The following MYCBP2 variants were observed in gnomAD, a reference collection of about 807,000 sequenced individuals.
The protein encoded by MYCBP2 is E3 ubiquitin-protein ligase MYCBP2.
In MYCBP2, 120 loss-of-function variants were observed where a neutral mutation model predicts 525.3. That is an observed-to-expected ratio of 0.23 (90% CI 0.20 to 0.27). The LOEUF (loss-of-function observed/expected upper bound fraction) is 0.27, where lower values mean the gene tolerates loss of function less well. MYCBP2 is among the 10% of genes least tolerant of loss of function. The pLI is 1.00. For missense variants in MYCBP2, 4,149 were observed against 5,657.1 expected, an observed-to-expected ratio of 0.73 and a Z score of 8.55; for synonymous variants, 1,894 against 1,955.8, an observed-to-expected ratio of 0.97 and a Z score of 0.83.
intron 37 of MYCBP2, 91 bp downstream of exon 37, chr13:77,174,220 A>C (rs1238935077): frequency 8.7e-7 from 1 of 1,145,248 alleles, no homozygotes; most frequent in African/African-American, 1.5e-5. Context: ...CAATTTAATT[A>C]TAAGTATCCA....
At chr13:77,281,991 A>G (rs1436661012) in intron 3 of MYCBP2, among the ~76,000 whole-genome samples, 1 of 152,232 alleles carries the variant, frequency 6.6e-6, no homozygotes, top group East Asian at 1.9e-4. Context: ...TGTTTGTATA[A>G]AGCAAATATT....
chr13:77,084,023 C>T (rs1307394937), intron 62 of MYCBP2, among the ~76,000 whole-genome samples: 1 of 152,108 alleles, frequency 6.6e-6, no homozygotes, highest in African/African-American at 2.4e-5. Flanking sequence ...CATATATTAT[C>T]CCACTGCATA....
At chr13:77,259,007 C>A (rs1435892546) in intron 13 of MYCBP2, among the ~76,000 whole-genome samples, 1 of 152,186 alleles carries the variant, frequency 6.6e-6, no homozygotes, top group African/African-American at 2.4e-5. Context: ...GTATTCCCAG[C>A]ACTTGAGGAG....
At position 77,095,594 on chromosome 13, in the gene MYCBP2, T is replaced by C; in HGVS notation, c.9963A>G (p.Gln3321=). ...KQAAAREKVK[Q]SRRKPMQVKT... The stretch of plus-strand genomic sequence containing the variant: ...TGACTTGCATTGGTTTTCTCCTAGA[T>C]TGTTTGACCTGGCGAAGAAAAAAAT... The change falls in exon 58 of 83, where the codon CAA becomes CAG. Residue 3321 remains glutamine (Q), a synonymous_variant. Transcript: ENST00000544440. The C allele has an allele frequency of 1.2e-6, 2 of 1,610,986 alleles. No homozygotes were observed. Among genetic ancestry groups the C allele is most frequent in the East Asian group, 2.2e-5 (1 of 44,808 alleles).
intron 40 of MYCBP2, among the ~76,000 whole-genome samples, chr13:77,166,882 C>A (rs968944725): frequency 4.6e-5 from 7 of 151,630 alleles, no homozygotes; most frequent in African/African-American, 1.7e-4. Flanking sequence ...CCAATGAATG[C>A]ATAATCATGC....
At chr13:77,125,497 T>G (rs768702989) in intron 53 of MYCBP2, 29 bp from the exon 54 acceptor site, 1 of 1,611,534 alleles carries the variant, frequency 6.2e-7, no homozygotes, top group Non-Finnish European at 8.5e-7. Flanking sequence ...CATGATTGAT[T>G]GGCTTGATTC....
In MYCBP2 at chr13:77,318,320, A is replaced by G. The variant is rs558102011; in HGVS notation, c.302+8154T>C. On this transcript the variant is annotated intron_variant, in intron 1 of 82. Coordinates refer to ENST00000544440, the MANE Select transcript of MYCBP2 (RefSeq NM_015057.5). The stretch of plus-strand genomic sequence containing the variant: ...ATCGGTAATTTTTCCATGCACTCAT[A>G]GGCCAAAAGAAATACCAAACAGTAG... 2.0e-5 allele frequency among the ~76,000 whole-genome samples: 3 copies of G among 152,344 alleles called. No individual in the cohort carries two copies. The East Asian group carries it at 5.8e-4, about 29-fold the overall frequency.
chr13:77,077,481 C>G lies in MYCBP2; in HGVS notation c.11485-94G>C. 2.1e-6 allele frequency: 3 copies of G among 1,431,392 alleles called. No homozygotes were observed. The South Asian group carries it at 3.9e-5, about 19-fold the overall frequency. The allele number at this position is 1,431,392 out of a possible 1,614,324, so 88.7% of individuals were successfully genotyped here. A position where few individuals can be genotyped will look rare whatever the true frequency, so the allele number is the denominator to read the frequency against. On this transcript the variant is annotated intron_variant, in intron 66 of 82. Transcript: ENST00000544440. Reference sequence around the variant, plus strand: ...CATTGATACCAGCAAGCTCAAATAACAAAGAATTGCACAGAGTAAAGGTTA... The same window carrying G: ...CATTGATACCAGCAAGCTCAAATAAGAAAGAATTGCACAGAGTAAAGGTTA...
chr13:77,097,379 C>A lies in MYCBP2; in HGVS notation c.9775G>T (p.Ala3259Ser). ...CAACAGTATCATTTACCTGGGTGAG[C>A]TTGTCTCATGTGATAGGTCACCGGG... Reference protein sequence around the residue: ...PYPVTYHMRQAHPGCGRYAGG... With the variant: ...PYPVTYHMRQSHPGCGRYAGG... Residue 3259 changes from alanine to serine, a missense_variant, in exon 56 of 83, where the codon GCT (alanine) becomes TCT (serine). By Grantham distance (99) the Ala-to-Ser change is moderately conservative. Transcript: ENST00000544440. The A allele has an allele frequency of 1.9e-6, 3 of 1,598,966 alleles. No homozygotes were observed. Among genetic ancestry groups the A allele is most frequent in the Non-Finnish European group, 2.6e-6 (3 of 1,175,200 alleles).
intron 62 of MYCBP2, 95 bp downstream of exon 62, chr13:77,087,389 T>A: frequency 9.3e-7 from 1 of 1,072,900 alleles, no homozygotes; most frequent in Non-Finnish European, 1.4e-6. Context: ...TCAAGTTAGA[T>A]CTGCGAATGA....
At chr13:77,109,523 A>G (rs2048423054) in intron 55 of MYCBP2, 1 of 152,336 alleles carries the variant, frequency 6.6e-6, no homozygotes, top group East Asian at 1.9e-4. Context: ...AGACAATCAG[A>G]ACAGCCTTGT....
intron 2 of MYCBP2, 85 bp from the exon 3 acceptor site, chr13:77,288,461 C>T (rs2077119664): frequency 8.6e-7 from 1 of 1,160,760 alleles, no homozygotes; most frequent in African/African-American, 1.6e-5. Flanking sequence ...ATTAGACACA[C>T]TAACTGACTT....
chr13:77,251,180 A>G lies in MYCBP2; in HGVS notation c.2352T>C (p.Ser784=), dbSNP rs778028888. The G allele has an allele frequency of 2.5e-6, 4 of 1,614,160 alleles. No homozygotes were observed. The highest frequency in any genetic ancestry group is 3.4e-6 in the Non-Finnish European group (4 of 1,180,044). ...DCTGYGASCV[S]SGRPDRVPGG... is the part of the protein sequence containing the mutation. The stretch of plus-strand genomic sequence containing the variant: ...CGGGGACTCTGTCTGGCCGTCCACT[A>G]CTGACACAGCTGGCTCCATAACCTG... Residue 784 remains serine (S), a synonymous_variant, in exon 15 of 83, where the codon AGT becomes AGC. Coordinates refer to ENST00000544440, the MANE Select transcript of MYCBP2 (RefSeq NM_015057.5).
chr13:77,233,064 A>G, intron 18 of MYCBP2, 92 bp downstream of exon 18: 1 of 1,062,686 alleles, frequency 9.4e-7, no homozygotes, highest in Non-Finnish European at 1.4e-6. Flanking sequence ...AAGTAGAAGA[A>G]TCAGGTTTGT....
intron 70 of MYCBP2, 76 bp downstream of exon 70, chr13:77,068,489 A>T (rs2040575959): frequency 1.3e-6 from 2 of 1,533,802 alleles, no homozygotes; most frequent in East Asian, 4.5e-5. Flanking sequence ...TCCTTAGATA[A>T]TTCTCTTTGC....
intron 38 of MYCBP2, among the ~76,000 whole-genome samples, chr13:77,170,019 T>C (rs993257520): frequency 1.3e-5 from 2 of 152,216 alleles, no homozygotes. Flanking sequence ...TGTAAAATAA[T>C]AGAGCTGGAA....
At chr13:77,248,451 G>A (rs968593643) in intron 15 of MYCBP2, among the ~76,000 whole-genome samples, 4 of 152,116 alleles carry the variant, frequency 2.6e-5, no homozygotes, top group Non-Finnish European at 4.4e-5. Context: ...TGATTCAAAA[G>A]TGAGCAAAGG....
intron 13 of MYCBP2, among the ~76,000 whole-genome samples, chr13:77,258,410 AAT>A (rs759224393): frequency 6.6e-6 from 1 of 152,198 alleles, no homozygotes; most frequent in African/African-American, 2.4e-5. Flanking sequence ...TTATCTATTT[AAT>A]ATGTTTTGTA....
intron 75 of MYCBP2, 126 bp downstream of exon 75, chr13:77,061,536 T>C: frequency 8.9e-7 from 1 of 1,129,082 alleles, no homozygotes; most frequent in South Asian, 1.6e-5. Context: ...GCGAGACAGC[T>C]GTGAACTCAA....
Sources: allele counts gnomAD v4.1 joint callset (sites outside exome capture counted in the v4.1 genomes callset), GRCh38; gene constraint gnomAD v4.1.1; transcripts MANE v1.5; gene names NCBI Gene and HGNC (gene_info 2026-07-23, HGNC 2026-07-21).